The following SRGAP3 variants were observed in gnomAD, a reference collection of about 807,000 sequenced individuals.
SRGAP3 encodes SLIT-ROBO Rho GTPase activating protein 3.
SRGAP3 carries 39 observed loss-of-function variants against 121.1 expected under a neutral mutation model. That is an observed-to-expected ratio of 0.32 (90% CI 0.25 to 0.42). The LOEUF (loss-of-function observed/expected upper bound fraction) is 0.42. Among genes scored for constraint, SRGAP3 ranks in the 10% least tolerant of loss-of-function variants. The pLI is 1.00. For synonymous variants in SRGAP3, 601 were observed against 570.0 expected, an observed-to-expected ratio of 1.05 and a Z score of -0.77; for missense variants, 1,213 against 1,470.6, an observed-to-expected ratio of 0.82 and a Z score of 2.86.
intron 2 of SRGAP3, among the ~76,000 whole-genome samples, chr3:9,110,754 T>C (rs1015804275): frequency 6.6e-6 from 1 of 152,250 alleles, no homozygotes; most frequent in African/African-American, 2.4e-5. Context: ...TCTAAAAGGC[T>C]GGGGTGAACT....
intron 2 of SRGAP3, among the ~76,000 whole-genome samples, chr3:9,114,465 T>C (rs1313654552): frequency 3.3e-5 from 5 of 152,218 alleles, no homozygotes; most frequent in African/African-American, 4.8e-5. Flanking sequence ...CAGACTGTTA[T>C]GTGAACTTCA....
chr3:9,204,707 T>C (rs1396120618), intron 1 of SRGAP3, among the ~76,000 whole-genome samples: 1 of 152,074 alleles, frequency 6.6e-6, no homozygotes, highest in Non-Finnish European at 1.5e-5. Flanking sequence ...GAAACTGTGG[T>C]AATACAATTA....
At chr3:9,257,744 G>A (rs181016034) in intron 3 of SRGAP3, among the ~76,000 whole-genome samples, 150 of 110,216 alleles carry the variant, frequency 1.4e-3, no homozygotes, top group African/African-American at 4.1e-3. Flanking sequence ...TCACTCTGTC[G>A]TCCAGGCTGG....
At chr3:9,339,409 CAGTGGT>C (rs1454171788) in intron 1 of SRGAP3, among the ~76,000 whole-genome samples, 1 of 152,152 alleles carries the variant, frequency 6.6e-6, no homozygotes, top group Non-Finnish European at 1.5e-5. Context: ...TTACAAGGTA[CAGTGGT>C]TCATGCATAA....
At chr3:9,146,083 C>A (rs1181378891) in intron 1 of SRGAP3, among the ~76,000 whole-genome samples, 2 of 152,178 alleles carry the variant, frequency 1.3e-5, no homozygotes, top group Non-Finnish European at 2.9e-5. Context: ...AGCATAGAGG[C>A]AAGTGAATCG....
At chr3:9,299,223 T>A (rs1307160633) in intron 3 of SRGAP3, among the ~76,000 whole-genome samples, 1 of 151,222 alleles carries the variant, frequency 6.6e-6, no homozygotes, top group Non-Finnish European at 1.5e-5. Flanking sequence ...TAGCTGGGCA[T>A]GCTGGTGCAT....
chr3:9,229,064 G>A lies in SRGAP3; in HGVS notation c.67+19821C>T, dbSNP rs977581301. On this transcript the variant is annotated intron_variant, in intron 1 of 21. Coordinates refer to ENST00000383836, the MANE Select transcript of SRGAP3 (RefSeq NM_014850.4). ...GGCCTGGGCGACAGAGCGAGACTCC[G>A]TCTCAAAAAAAAAAAAAAAAAAAAA... Among the ~76,000 whole-genome samples the A allele has an allele frequency of 1.4e-4, 13 of 93,718 alleles. No individual in the cohort carries two copies. In the East Asian group the frequency reaches 1.8e-3, roughly 13 times the overall value. 61.5% of individuals were successfully genotyped at this position (93,718 alleles called of 152,430 possible). A position where few individuals can be genotyped will look rare whatever the true frequency, so the allele number is the denominator to read the frequency against.
Position 9,239,912 on chromosome 3 carries a change from C to T in SRGAP3, c.67+8973G>A, listed in dbSNP as rs1047861084. Among the ~76,000 whole-genome samples the T allele has an allele frequency of 6.6e-6, 1 of 152,180 alleles. No homozygotes were observed. Among genetic ancestry groups the T allele is most frequent in the Non-Finnish European group, 1.5e-5 (1 of 68,040 alleles). Reference sequence around the variant, plus strand: ...ATGATCCATGAATTGTGCAGCCTGACATATTCTAAAATGTAACTCAGAAAA... The same window carrying T: ...ATGATCCATGAATTGTGCAGCCTGATATATTCTAAAATGTAACTCAGAAAA... On this transcript the variant is annotated intron_variant, in intron 1 of 21. Transcript: ENST00000383836. The surrounding 1 kb of genome is among the most constrained non-coding windows in gnomAD (Gnocchi z 4.0).
chr3:9,044,427 G>A (rs112172167), intron 10 of SRGAP3, among the ~76,000 whole-genome samples: 10,291 of 152,244 alleles, frequency 0.068, 405 homozygotes, highest in Middle Eastern at 0.11. Context: ...CCGCGATGGC[G>A]TAAGATTTTT....
chr3:9,058,203 G>A, intron 7 of SRGAP3, 48 bp downstream of exon 7: 1 of 1,591,564 alleles, frequency 6.3e-7, no homozygotes, highest in South Asian at 1.1e-5. Flanking sequence ...AGCACATGGG[G>A]GAACAGAGGG....
At chr3:9,237,171 A>C (rs1222566108) in intron 1 of SRGAP3, among the ~76,000 whole-genome samples, 1 of 152,210 alleles carries the variant, frequency 6.6e-6, no homozygotes, top group Non-Finnish European at 1.5e-5. Flanking sequence ...TCTTGTATGC[A>C]AAGTCCATCA....
At chr3:9,004,517 G>C (rs886477254) in intron 18 of SRGAP3, among the ~76,000 whole-genome samples, 2 of 152,162 alleles carry the variant, frequency 1.3e-5, no homozygotes, top group African/African-American at 4.8e-5. Flanking sequence ...CAATTTCAAA[G>C]CTTACTACAA....
At chr3:9,286,155 C>CACACAA (rs1954765861) in intron 3 of SRGAP3, among the ~76,000 whole-genome samples, 1 of 140,900 alleles carries the variant, frequency 7.1e-6, no homozygotes, top group Non-Finnish European at 1.5e-5. Context: ...CACACACACA[C>CACACAA]ACACACATTT....
chr3:9,035,547 C>CG (rs1483587226), intron 11 of SRGAP3: 1 of 184,242 alleles, frequency 5.4e-6, no homozygotes, highest in Non-Finnish European at 1.2e-5. Flanking sequence ...GGGGGCAGCT[C>CG]GGCCAAGGAA....
Position 9,015,637 on chromosome 3 carries a change from G to A in SRGAP3, c.1773C>T (p.Leu591=). 6.2e-7 allele frequency: 1 copy of A among 1,614,148 alleles called. No homozygotes were observed. Among genetic ancestry groups the A allele is most frequent in the East Asian group, 2.2e-5 (1 of 44,880 alleles). ...AATCTTGAAACCTTTCCTTAGGAAA[G>A]AGTGGGTTTTCCAGTCCTCGGAAAT... ...KLYFRGLENP[L]FPKERFQDLI... The change falls in exon 15 of 22, where the codon CTC becomes CTT. Residue 591 remains leucine (L), a synonymous_variant. Coordinates refer to ENST00000383836, the MANE Select transcript of SRGAP3 (RefSeq NM_014850.4).
rs191961420 is a variant in SRGAP3 at position 9,176,985 on chromosome 3, C to A, written c.68-52068G>T. ...GCAGCAAGGTTATCAGGAGAGCTGG[C>A]CTGGGAGGTCCTCATTTGCATGACC... On this transcript the variant is annotated intron_variant, in intron 1 of 21. Coordinates refer to ENST00000383836, the MANE Select transcript of SRGAP3 (RefSeq NM_014850.4). Among the ~76,000 whole-genome samples the A allele has an allele frequency of 2.8e-4, 43 of 152,318 alleles. No homozygotes were observed. The East Asian group carries it at 7.1e-3, about 25-fold the overall frequency.
rs749036920 is a variant in SRGAP3 at position 8,985,478 on chromosome 3, T to C, written c.*41A>G. 1.9e-6 allele frequency: 3 copies of C among 1,595,488 alleles called. No individual in the cohort carries two copies. Among genetic ancestry groups the C allele is most frequent in the Non-Finnish European group, 8.5e-7 (1 of 1,178,220 alleles). On this transcript the variant is annotated 3_prime_UTR_variant, in exon 22 of 22. Transcript: ENST00000383836. The surrounding 1 kb of genome is among the most constrained non-coding windows in gnomAD (Gnocchi z 5.1). ...CCACCAAGGCCACCCTGGGCCGTGG[T>C]GAGCCACAGCGGGCCACGGCGGCGC...
intron 1 of SRGAP3, among the ~76,000 whole-genome samples, chr3:9,147,954 G>A (rs915433590): frequency 3.3e-5 from 5 of 152,294 alleles, no homozygotes; most frequent in African/African-American, 1.2e-4. Flanking sequence ...GCAAAGTTTG[G>A]GAATAAAAGG....
At chr3:9,275,385 A>C (rs1215448193) in intron 3 of SRGAP3, among the ~76,000 whole-genome samples, 1 of 152,102 alleles carries the variant, frequency 6.6e-6, no homozygotes, top group Non-Finnish European at 1.5e-5. Flanking sequence ...GTGTCTGGTT[A>C]ATGGAGTACA....
Sources: gnomAD v4.1 joint callset for allele counts (sites outside exome capture counted in the v4.1 genomes callset) on GRCh38, gnomAD v4.1.1 for gene constraint, Gnocchi (gnomAD v3.1) non-coding constraint, MANE v1.5 for transcripts, NCBI Gene and HGNC (gene_info 2026-07-23, HGNC 2026-07-21) for gene names.